SLC39A8: variants seen among roughly 807,000 people sequenced by gnomAD.
SLC39A8 encodes the protein solute carrier family 39 member 8.
SLC39A8 carries 15 observed loss-of-function variants against 40.4 expected under a neutral mutation model. That is an observed-to-expected ratio of 0.37 (90% confidence interval 0.25 to 0.57). SLC39A8 has a LOEUF of 0.57. Ranked by LOEUF, SLC39A8 falls within the 20% of genes least tolerant of loss-of-function variation. The pLI, the probability that SLC39A8 is intolerant of heterozygous loss-of-function variation, is 0.75. For missense variants in SLC39A8, 472 were observed against 558.8 expected (o/e 0.84, Z 1.57); for synonymous variants, 223 against 221.6 (o/e 1.01, Z -0.06).
intron 3 of SLC39A8, 49 bp from the exon 4 acceptor site, chr4:102,307,654 C>G (rs760221121): frequency 2.6e-6 from 4 of 1,558,494 alleles, no homozygotes; most frequent in Admixed American, 3.8e-5. Context: ...AGCAAGGAAC[C>G]AAATGATGTT....
chr4:102,269,042 G>C (rs1294340686), intron 6 of SLC39A8, among the ~76,000 whole-genome samples: 1 of 151,968 alleles, frequency 6.6e-6, no homozygotes, highest in Admixed American at 6.6e-5. Context: ...TTGAACTTCT[G>C]AAATTTGTAA....
In SLC39A8 at chr4:102,314,493, C is replaced by T. The variant is rs576135155; in HGVS notation, c.382+1175G>A. ...AATTTACCACCTCCCGCAAGGCTTC[C>T]TCACCTGGTCTCCATCTCCCGCCAG... is the stretch of plus-strand genomic sequence containing the variant. On this transcript the variant is annotated intron_variant, in intron 3 of 8. Coordinates refer to ENST00000356736, the MANE Select transcript of SLC39A8 (RefSeq NM_001135146.2). Among the ~76,000 whole-genome samples the T allele has an allele frequency of 5.3e-5, 8 of 152,076 alleles. No individual in the cohort carries two copies. The South Asian group carries it at 1.5e-3, about 28-fold the overall frequency.
intron 8 of SLC39A8, among the ~76,000 whole-genome samples, chr4:102,266,887 T>G (rs1732126745): frequency 6.6e-6 from 1 of 152,164 alleles, no homozygotes; most frequent in Non-Finnish European, 1.5e-5. Context: ...ATTACAGGCA[T>G]GAGCCACCGC....
At chr4:102,320,168 CATATAT>C (rs70937533) in intron 2 of SLC39A8, among the ~76,000 whole-genome samples, 5,233 of 101,818 alleles carry the variant, frequency 0.051, 396 homozygotes, top group African/African-American at 0.17. Context: ...TATATATATA[CATATAT>C]ATATATATAT....
intron 3 of SLC39A8, among the ~76,000 whole-genome samples, chr4:102,313,314 T>G (rs986795396): frequency 6.6e-6 from 1 of 152,136 alleles, no homozygotes. Flanking sequence ...CTACATCATA[T>G]AGTTGCATGA....
At chr4:102,320,423 A>AAT (rs561114741) in intron 2 of SLC39A8, among the ~76,000 whole-genome samples, 2 of 74,758 alleles carry the variant, frequency 2.7e-5, no homozygotes, top group African/African-American at 5.9e-5. Flanking sequence ...TATATATGAG[A>AAT]ATATATATAT....
intron 3 of SLC39A8, among the ~76,000 whole-genome samples, chr4:102,315,417 A>T (rs1174748572): frequency 6.6e-6 from 1 of 152,178 alleles, no homozygotes; most frequent in Non-Finnish European, 1.5e-5. Context: ...TAAAATCAAG[A>T]ACTGGATTTT....
At chr4:102,292,488 T>C (rs1004836633) in intron 6 of SLC39A8, among the ~76,000 whole-genome samples, 3 of 152,080 alleles carry the variant, frequency 2.0e-5, no homozygotes, top group Non-Finnish European at 4.4e-5. Context: ...GGCTATAAAT[T>C]GCTCTTACAT....
chr4:102,299,643 T>G (rs1733831144), intron 6 of SLC39A8, among the ~76,000 whole-genome samples: 1 of 152,064 alleles, frequency 6.6e-6, no homozygotes, highest in Non-Finnish European at 1.5e-5. Flanking sequence ...CCCTAACATC[T>G]CCACACTTTG....
intron 2 of SLC39A8, among the ~76,000 whole-genome samples, chr4:102,317,800 A>G (rs1403467308): frequency 6.6e-6 from 1 of 152,170 alleles, no homozygotes; most frequent in East Asian, 1.9e-4. Context: ...GATAATCTCC[A>G]AAGACTTTTC....
rs765894300 is a variant in SLC39A8, at chr4:102,267,862, A to T, written c.1048+10T>A. 11 of 1,613,300 alleles carry T rather than the reference A, an allele frequency of 6.8e-6. No homozygotes were observed. Among genetic ancestry groups the T allele is most frequent in the Non-Finnish European group, 9.3e-6 (11 of 1,179,622 alleles). On this transcript the variant is annotated intron_variant, in intron 7 of 8. Coordinates refer to ENST00000356736, the MANE Select transcript of SLC39A8 (RefSeq NM_001135146.2). ...AAGCAGACTTTTACAATATGAACAG[A>T]GCTCCTTACCTAACTCGTGGGGAAA... is the stretch of plus-strand genomic sequence containing the variant.
chr4:102,320,312 A>G (rs1177959344), intron 2 of SLC39A8, among the ~76,000 whole-genome samples: 1 of 67,380 alleles, frequency 1.5e-5, no homozygotes, highest in Non-Finnish European at 3.2e-5. Context: ...ATATATGAGT[A>G]TATATATATG....
intron 2 of SLC39A8, among the ~76,000 whole-genome samples, chr4:102,337,650 G>T (rs754577301): frequency 2.6e-5 from 4 of 152,072 alleles, no homozygotes; most frequent in Admixed American, 6.5e-5. Context: ...CCAGTGTTGT[G>T]CAGTTAAGAA....
rs190602188 is a variant in SLC39A8 at position 102,320,205 on chromosome 4, A to G, written c.220-4375T>C. On this transcript the variant is annotated intron_variant, in intron 2 of 8. Coordinates refer to ENST00000356736, the MANE Select transcript of SLC39A8 (RefSeq NM_001135146.2). The stretch of plus-strand genomic sequence containing the variant: ...TATATATATATGTATATATATATGT[A>G]TATATATATGTATATATGTATGAGT... Among the ~76,000 whole-genome samples the G allele has an allele frequency of 4.3e-4, 58 of 136,432 alleles. 1 individual carries two copies. The highest frequency in any genetic ancestry group is 1.2e-3 in the African/African-American group (42 of 36,102). The allele number at this position is 136,432 out of a possible 152,430, so 89.5% of individuals were successfully genotyped here.
rs1350783128 is a variant in SLC39A8, at chr4:102,261,939, T to G, written c.*1105A>C. The G allele has an allele frequency of 1.0e-6, 1 of 985,800 alleles. No homozygotes were observed. Among genetic ancestry groups the G allele is most frequent in the East Asian group, 1.1e-4 (1 of 8,968 alleles). The allele number at this position is 985,800 out of a possible 1,614,324, so 61.1% of individuals were successfully genotyped here. On this transcript the variant is annotated 3_prime_UTR_variant, in exon 9 of 9. Transcript: ENST00000356736. ...CAATTTTCTCTATCTTCTAAATGAG[T>G]AAACAGGCTCTGTCTTTTATAAAAG...
intron 8 of SLC39A8, among the ~76,000 whole-genome samples, chr4:102,266,765 G>A (rs186844538): frequency 4.0e-5 from 6 of 151,884 alleles, no homozygotes; most frequent in East Asian, 1.9e-4. Context: ...CCGCCACCAC[G>A]CCCGGCTAAT....
chr4:102,340,551 A>C (rs1346738494), intron 2 of SLC39A8, among the ~76,000 whole-genome samples: 2 of 152,214 alleles, frequency 1.3e-5, no homozygotes, highest in African/African-American at 4.8e-5. Flanking sequence ...GATACGGTTT[A>C]AGAAACATAC....
intron 6 of SLC39A8, among the ~76,000 whole-genome samples, chr4:102,300,871 A>G (rs1733895723): frequency 6.6e-6 from 1 of 152,006 alleles, no homozygotes; most frequent in Non-Finnish European, 1.5e-5. Context: ...AGCAATATCC[A>G]GACCTACTTA....
chr4:102,268,216 A>G (rs1427424144), intron 6 of SLC39A8, 137 bp from the exon 7 acceptor site: 8 of 802,234 alleles, frequency 1.0e-5, no homozygotes, highest in Non-Finnish European at 1.6e-5. Flanking sequence ...GGAAACCCTA[A>G]TAATATATAA....
Sources: gnomAD v4.1 joint callset for allele counts (sites outside exome capture counted in the v4.1 genomes callset) on GRCh38, gnomAD v4.1.1 for gene constraint, MANE v1.5 for transcripts, NCBI Gene and HGNC (gene_info 2026-07-23, HGNC 2026-07-21) for gene names.